The following NID2 variants were observed in gnomAD, a reference collection of about 807,000 sequenced individuals.
NID2 encodes the protein nidogen 2.
Under a neutral mutation model 145.4 loss-of-function variants are expected in NID2, and 83 were observed. That is an observed-to-expected ratio of 0.57 (90% confidence interval 0.48 to 0.69). NID2 has a LOEUF of 0.69. Ranked by LOEUF, NID2 falls within the 30% of genes least tolerant of loss-of-function variation. The probability of loss-of-function intolerance (pLI) is 0.00; values close to 1 mark genes in which losing one functional copy is unlikely to be tolerated. For missense variants in NID2, 1,807 were observed against 1,765.7 expected (o/e 1.02, Z -0.42); for synonymous variants, 739 against 701.3 (o/e 1.05, Z -0.85).
In NID2 at chr14:52,028,780, G is replaced by A. The variant is rs1172462479; in HGVS notation, c.2472C>T (p.Ser824=). The A allele has an allele frequency of 1.2e-6, 2 of 1,614,114 alleles. No homozygotes were observed. The highest frequency in any genetic ancestry group is 1.7e-6 in the Non-Finnish European group (2 of 1,179,978). The change falls in exon 11 of 22, where the codon AGC becomes AGT. Residue 824 remains serine, a synonymous_variant. Transcript: ENST00000216286. ...PNSVCINLPG[S]YRCECRSGYE... is the part of the protein sequence containing the mutation. ...AACCACTCCGGCACTCACACCTGTAGCTTCCAGGCAAGTTGATACATACAG... is the reference window on the plus strand; with the variant it reads ...AACCACTCCGGCACTCACACCTGTAACTTCCAGGCAAGTTGATACATACAG...
intron 9 of NID2, among the ~76,000 whole-genome samples, chr14:52,035,858 A>ATATATATATATATATATG (rs1892046004): frequency 8.7e-6 from 1 of 115,188 alleles, no homozygotes; most frequent in African/African-American, 3.8e-5. Flanking sequence ...TTTTTTGTGT[A>ATATATATATATATATATG]TATATATATA....
chr14:52,005,569 T>C, intron 21 of NID2, 73 bp from the exon 22 acceptor site: 6 of 1,541,054 alleles, frequency 3.9e-6, no homozygotes, highest in Non-Finnish European at 5.3e-6. Context: ...CAGCAAGTCT[T>C]TGCATTTTGT....
intron 2 of NID2, among the ~76,000 whole-genome samples, chr14:52,067,033 G>C (rs1387262640): frequency 6.6e-6 from 1 of 152,190 alleles, no homozygotes; most frequent in Non-Finnish European, 1.5e-5. Flanking sequence ...CAATTAGGCA[G>C]AAGTTATCAA....
chr14:52,010,783 T>C (rs1890982782), intron 18 of NID2, 93 bp downstream of exon 18: 2 of 1,293,590 alleles, frequency 1.5e-6, no homozygotes, highest in Admixed American at 1.8e-5. Flanking sequence ...GCTTTCACTC[T>C]CTTGTTCTGA....
intron 2 of NID2, among the ~76,000 whole-genome samples, chr14:52,065,762 T>G (rs2140438344): frequency 8.3e-6 from 1 of 120,692 alleles, no homozygotes; most frequent in Non-Finnish European, 1.6e-5. Context: ...GTGTTTGGTT[T>G]TTTGTTCTTG....
chr14:52,052,612 C>T (rs1892714415), intron 5 of NID2, among the ~76,000 whole-genome samples: 1 of 152,196 alleles, frequency 6.6e-6, no homozygotes, highest in Admixed American at 6.5e-5. Flanking sequence ...TAGTACCTCT[C>T]CATGCAATAG....
In NID2 at chr14:52,004,888, T is replaced by G. The variant is rs1260335124; in HGVS notation, c.*598A>C. 1 of 165,134 alleles carries G rather than the reference T, an allele frequency of 6.1e-6. No individual in the cohort carries two copies. Among genetic ancestry groups the G allele is most frequent in the Non-Finnish European group, 1.3e-5 (1 of 77,022 alleles). 10.2% of individuals were successfully genotyped at this position (165,134 alleles called of 1,614,324 possible). ...TTTGGTATTTATAAATGTGATACTT[T>G]ACTTTCTGTGGGTACTTCTATAGAG... On this transcript the variant is annotated 3_prime_UTR_variant, in exon 22 of 22. Transcript: ENST00000216286.
rs1190495598 is a variant in NID2, at chr14:52,015,105, C to A, written c.3199G>T (p.Asp1067Tyr). ...CGGGTGCCCTGCACCTCTCTGCCATCTTTGTCCACACACCAGCAGAAGTCG... is the reference window on the plus strand; with the variant it reads ...CGGGTGCCCTGCACCTCTCTGCCATATTTGTCCACACACCAGCAGAAGTCG... ...KSDFCWCVDKDGREVQGTRSQ... is the reference protein window; with the variant it reads ...KSDFCWCVDKYGREVQGTRSQ... Residue 1067 changes from aspartate (D) to tyrosine (Y), a missense_variant, in exon 15 of 22, where the codon GAT becomes TAT. Coordinates refer to ENST00000216286, the MANE Select transcript of NID2 (RefSeq NM_007361.4). The A allele has an allele frequency of 6.2e-7, 1 of 1,614,030 alleles. No individual in the cohort carries two copies. The highest frequency in any genetic ancestry group is 8.5e-7 in the Non-Finnish European group (1 of 1,180,020).
intron 20 of NID2, 22 bp from the exon 21 acceptor site, chr14:52,005,871 G>A (rs1566737246): frequency 3.9e-6 from 6 of 1,524,152 alleles, no homozygotes; most frequent in Non-Finnish European, 5.5e-6. Flanking sequence ...AAGGAAGAGT[G>A]AATTCAGGGA....
intron 9 of NID2, among the ~76,000 whole-genome samples, chr14:52,030,596 A>AAG (rs762155037): frequency 3.5e-5 from 3 of 84,840 alleles, no homozygotes; most frequent in Middle Eastern, 6.4e-3. Flanking sequence ...GAAAGAAAGA[A>AAG]AGAAAGAAAG....
At chr14:52,014,253 C>CA (rs1422069012) in intron 16 of NID2, 34 bp downstream of exon 16, 1 of 1,614,016 alleles carries the variant, frequency 6.2e-7, no homozygotes, top group Non-Finnish European at 8.5e-7. Context: ...GAAAGCCACG[C>CA]AGCCCTGCCC....
intron 8 of NID2, among the ~76,000 whole-genome samples, chr14:52,040,209 G>A (rs1280524747): frequency 6.6e-6 from 1 of 151,854 alleles, no homozygotes; most frequent in African/African-American, 2.4e-5. Context: ...CCAAAGTGGT[G>A]GGATTACAGG....
Position 52,050,225 on chromosome 14 carries a change from T to A in NID2, c.1429+3354A>T, listed in dbSNP as rs142925894. ...ACTCACAACACAGGCAGTCCCATGG[T>A]CCCAGGCAGCTGAAGCCCTCACTGG... On this transcript the variant is annotated intron_variant, in intron 5 of 21. Coordinates refer to ENST00000216286, the MANE Select transcript of NID2 (RefSeq NM_007361.4). Among the ~76,000 whole-genome samples, 80 of 152,298 alleles carry A rather than the reference T, an allele frequency of 5.3e-4. No homozygotes were observed. In the East Asian group the frequency reaches 0.015, roughly 29 times the overall value.
At chr14:52,030,603 A>G (rs1479220470) in intron 9 of NID2, among the ~76,000 whole-genome samples, 4 of 123,894 alleles carry the variant, frequency 3.2e-5, no homozygotes, top group Admixed American at 9.1e-5. Flanking sequence ...AGAAAGAAAG[A>G]AAGAGAAAGA....
intron 9 of NID2, among the ~76,000 whole-genome samples, chr14:52,036,473 G>A (rs902728908): frequency 2.7e-4 from 41 of 152,102 alleles, no homozygotes; most frequent in Non-Finnish European, 4.7e-4. Context: ...GAATATACAC[G>A]AATAAGTTTT....
intron 5 of NID2, among the ~76,000 whole-genome samples, chr14:52,051,420 C>G (rs375262216): frequency 3.3e-5 from 5 of 152,186 alleles, no homozygotes; most frequent in African/African-American, 1.2e-4. Flanking sequence ...TGCCCCAAAC[C>G]ACATAGCAGA....
chr14:52,045,907 C>A (rs1040224299), intron 5 of NID2, among the ~76,000 whole-genome samples: 2 of 150,818 alleles, frequency 1.3e-5, no homozygotes, highest in African/African-American at 2.4e-5. Flanking sequence ...AACTGTCTTT[C>A]AGCTTCCTCA....
chr14:52,005,530 T>C, intron 21 of NID2, 34 bp from the exon 22 acceptor site: 1 of 1,590,714 alleles, frequency 6.3e-7, no homozygotes, highest in Non-Finnish European at 8.5e-7. Flanking sequence ...GACAGGGTGG[T>C]GGGTGAGTAT....
At chr14:52,064,207 G>A (rs1431539198) in intron 2 of NID2, among the ~76,000 whole-genome samples, 1 of 152,134 alleles carries the variant, frequency 6.6e-6, no homozygotes. Flanking sequence ...ACATGTCTCA[G>A]TCTCCACCCA....
Sources: allele counts gnomAD v4.1 joint callset (sites outside exome capture counted in the v4.1 genomes callset), GRCh38; gene constraint gnomAD v4.1.1; transcripts MANE v1.5; gene names NCBI Gene and HGNC (gene_info 2026-07-23, HGNC 2026-07-21).